Variants in RASSF6 observed in about 807,000 individuals in gnomAD.
RASSF6 encodes the protein ras association domain-containing protein 6.
In RASSF6, 52 loss-of-function variants were observed where a neutral mutation model predicts 44.0. The ratio of observed to expected loss-of-function variants is 1.18; its 90% CI spans 0.95 to 1.49. The LOEUF (loss-of-function observed/expected upper bound fraction) is 1.49, where lower values mean the gene tolerates loss of function less well. Ranked by LOEUF, RASSF6 falls within the 40% of genes most tolerant of loss-of-function variation. RASSF6 has a pLI of 0.00. For synonymous variants in RASSF6, 162 were observed against 124.6 expected, an observed-to-expected ratio of 1.30 and a Z score of -2.00; for missense variants, 464 against 393.3, an observed-to-expected ratio of 1.18 and a Z score of -1.52.
At chr4:73,604,920 G>A (rs370545534) in intron 2 of RASSF6, among the ~76,000 whole-genome samples, 18 of 132,662 alleles carry the variant, frequency 1.4e-4, no homozygotes, top group South Asian at 4.6e-4. Context: ...ATGGAGTTTC[G>A]CTCTTATTGC....
At chr4:73,618,776 A>T (rs1032491203) in intron 1 of RASSF6, among the ~76,000 whole-genome samples, 6 of 152,220 alleles carry the variant, frequency 3.9e-5, no homozygotes, top group African/African-American at 1.4e-4. Context: ...CAATGATATT[A>T]AGTTAGAGTA....
At chr4:73,618,453 C>T (rs1158400375) in intron 1 of RASSF6, among the ~76,000 whole-genome samples, 4 of 152,022 alleles carry the variant, frequency 2.6e-5, no homozygotes, top group East Asian at 3.8e-4. Context: ...ATATGTCTAT[C>T]AATAAATATA....
intron 2 of RASSF6, among the ~76,000 whole-genome samples, chr4:73,606,232 C>T (rs1725619173): frequency 6.6e-6 from 1 of 152,150 alleles, no homozygotes; most frequent in Admixed American, 6.5e-5. Context: ...TACTCTGTAG[C>T]CATAAAAAAG....
intron 3 of RASSF6, among the ~76,000 whole-genome samples, chr4:73,595,581 A>C (rs1436333900): frequency 6.6e-6 from 1 of 152,216 alleles, no homozygotes; most frequent in Non-Finnish European, 1.5e-5. Flanking sequence ...CATAACACAA[A>C]AACTCAAATA....
intron 2 of RASSF6, among the ~76,000 whole-genome samples, chr4:73,605,425 G>A (rs985379255): frequency 2.0e-5 from 3 of 152,096 alleles, no homozygotes; most frequent in Non-Finnish European, 4.4e-5. Flanking sequence ...CTTTATTCCT[G>A]TCCATTTGAA....
rs1486059577 is a variant in RASSF6, at chr4:73,575,945, A to G, written c.*290T>C. Reference sequence around the variant, plus strand: ...TGAAGTTTAAACTGCTTATCTGAAGACACCATTTAAATTTGAGTTCATTAC... The same window carrying G: ...TGAAGTTTAAACTGCTTATCTGAAGGCACCATTTAAATTTGAGTTCATTAC... On this transcript the variant is annotated 3_prime_UTR_variant, in exon 11 of 11. Transcript: ENST00000307439. 1.3e-5 allele frequency: 3 copies of G among 228,754 alleles called. No individual in the cohort carries two copies. The highest frequency in any genetic ancestry group is 6.8e-5 in the African/African-American group (3 of 44,254). 14.2% of individuals were successfully genotyped at this position (228,754 alleles called of 1,614,324 possible).
intron 5 of RASSF6, among the ~76,000 whole-genome samples, chr4:73,586,791 T>C (rs1319046626): frequency 2.0e-5 from 3 of 151,714 alleles, no homozygotes; most frequent in Admixed American, 6.6e-5. Context: ...GGCCGATATT[T>C]AACAAGATGT....
intron 3 of RASSF6, among the ~76,000 whole-genome samples, chr4:73,596,315 A>G (rs1724940423): frequency 6.6e-6 from 1 of 152,212 alleles, no homozygotes; most frequent in Non-Finnish European, 1.5e-5. Context: ...TCGATGTGCA[A>G]AAGTTGCTAG....
At chr4:73,591,305 T>C (rs1019213929) in intron 4 of RASSF6, among the ~76,000 whole-genome samples, 2 of 152,206 alleles carry the variant, frequency 1.3e-5, no homozygotes, top group Non-Finnish European at 2.9e-5. Flanking sequence ...AAACATATCT[T>C]GGTAAAGCCA....
intron 2 of RASSF6, among the ~76,000 whole-genome samples, chr4:73,603,105 A>C (rs1014939967): frequency 3.3e-5 from 5 of 152,246 alleles, no homozygotes; most frequent in Admixed American, 2.6e-4. Context: ...GAAAGAAAGA[A>C]AGAAAGAAAA....
chr4:73,596,152 T>C (rs1178368564), intron 3 of RASSF6, among the ~76,000 whole-genome samples: 1 of 152,050 alleles, frequency 6.6e-6, no homozygotes, highest in Non-Finnish European at 1.5e-5. Flanking sequence ...AAAAATGCTT[T>C]TGAAGAAATA....
intron 5 of RASSF6, among the ~76,000 whole-genome samples, chr4:73,586,343 A>G (rs1470422032): frequency 6.6e-6 from 1 of 152,016 alleles, no homozygotes; most frequent in Admixed American, 6.6e-5. Flanking sequence ...CTGAATTATT[A>G]CAATTTCTAT....
At chr4:73,579,185 T>G (rs1723445498) in intron 8 of RASSF6, among the ~76,000 whole-genome samples, 1 of 152,204 alleles carries the variant, frequency 6.6e-6, no homozygotes, top group Non-Finnish European at 1.5e-5. Context: ...TAACAATCAC[T>G]TATTTAATCA....
intron 1 of RASSF6, among the ~76,000 whole-genome samples, chr4:73,612,859 G>A (rs1440304832): frequency 6.6e-6 from 1 of 152,038 alleles, no homozygotes; most frequent in South Asian, 2.1e-4. Context: ...TGACTCTCAA[G>A]TTTTCTTCAA....
Position 73,572,257 on chromosome 4 carries a change from A to C in RASSF6, c.*3978T>G, listed in dbSNP as rs146611074. On this transcript the variant is annotated 3_prime_UTR_variant, in exon 11 of 11. Transcript: ENST00000307439. ...TTTCCAGGGCTGCTCAGGACATGGCAGTTGACTTCCCCCAGAGCAAGTGGT... is the reference window on the plus strand; with the variant it reads ...TTTCCAGGGCTGCTCAGGACATGGCCGTTGACTTCCCCCAGAGCAAGTGGT... The C allele has an allele frequency of 2.0e-4, 31 of 152,318 alleles. 1 individual carries two copies. The highest frequency in any genetic ancestry group is 8.5e-4 in the Admixed American group (13 of 15,300). The allele number at this position is 152,318 out of a possible 1,614,324, so 9.4% of individuals were successfully genotyped here. A position where few individuals can be genotyped will look rare whatever the true frequency, so the allele number is the denominator to read the frequency against.
In RASSF6 at chr4:73,586,608, T is replaced by A. The variant is rs534357628; in HGVS notation, c.382+1232A>T. Among the ~76,000 whole-genome samples, 3 of 152,120 alleles carry A rather than the reference T, an allele frequency of 2.0e-5. No individual in the cohort carries two copies. In the South Asian group the frequency reaches 6.2e-4, roughly 32 times the overall value. On this transcript the variant is annotated intron_variant, in intron 5 of 10. Coordinates refer to ENST00000307439, the MANE Select transcript of RASSF6 (RefSeq NM_177532.5). ...GTGGCATTTGTGTTTTATTTTACTT[T>A]AGGATTTTAAAAAATTTTCTACTGT... is the stretch of plus-strand genomic sequence containing the variant.
intron 3 of RASSF6, among the ~76,000 whole-genome samples, chr4:73,594,972 G>A (rs1325130517): frequency 6.6e-6 from 1 of 152,052 alleles, no homozygotes; most frequent in Non-Finnish European, 1.5e-5. Context: ...ATAAATATTT[G>A]TTTAATTAAT....
At chr4:73,583,034 C>G (rs2149368078) in intron 6 of RASSF6, among the ~76,000 whole-genome samples, 1 of 152,190 alleles carries the variant, frequency 6.6e-6, no homozygotes, top group East Asian at 1.9e-4. Context: ...TGAAAAACCA[C>G]ATGTTCATCC....
intron 8 of RASSF6, among the ~76,000 whole-genome samples, chr4:73,580,421 A>G (rs1391193505): frequency 6.7e-6 from 1 of 150,072 alleles, no homozygotes; most frequent in Non-Finnish European, 1.5e-5. Flanking sequence ...TGGTATTTCT[A>G]GTTCTAGATC....
Sources: allele counts gnomAD v4.1 joint callset (sites outside exome capture counted in the v4.1 genomes callset), GRCh38; gene constraint gnomAD v4.1.1; transcripts MANE v1.5; gene names NCBI Gene and HGNC (gene_info 2026-07-23, HGNC 2026-07-21).